Variants in RERE observed in about 807,000 individuals in gnomAD.
RERE encodes arginine-glutamic acid dipeptide repeats, also known as arginine-glutamic acid dipeptide repeats protein.
Under a neutral mutation model 146.1 loss-of-function variants are expected in RERE, and 40 were observed. The observed-to-expected ratio is 0.27, with a 90% CI of 0.21 to 0.36. RERE has a LOEUF of 0.36. RERE is among the 10% of genes least tolerant of loss of function. The probability of loss-of-function intolerance (pLI) is 1.00; values close to 1 mark genes in which losing one functional copy is unlikely to be tolerated. For synonymous variants in RERE, 1,003 were observed against 866.0 expected, an observed-to-expected ratio of 1.16 and a Z score of -2.78; for missense variants, 1,933 against 2,138.7, an observed-to-expected ratio of 0.90 and a Z score of 1.90.
rs562603155 is a variant in RERE, at chr1:8,778,429, T to A, written c.-145+38731A>T. Among the ~76,000 whole-genome samples the A allele has an allele frequency of 2.0e-5, 3 of 152,324 alleles. No homozygotes were observed. In the East Asian group the frequency reaches 5.8e-4, roughly 29 times the overall value. ...TTCCAGAGGTCTCTACTCAGTTTAA[T>A]TTGTGATAGCACTTGTATGTGAGAC... On this transcript the variant is annotated intron_variant, in intron 1 of 22. Coordinates refer to ENST00000400908, the MANE Select transcript of RERE (RefSeq NM_001042681.2).
At chr1:8,380,504 G>A (rs1189236666) in intron 12 of RERE, among the ~76,000 whole-genome samples, 4 of 151,978 alleles carry the variant, frequency 2.6e-5, no homozygotes, top group Non-Finnish European at 2.9e-5. Context: ...ACGTGCCACC[G>A]CACCTGGCTA....
chr1:8,466,695 C>G (rs1226863575), intron 10 of RERE, among the ~76,000 whole-genome samples: 3 of 152,136 alleles, frequency 2.0e-5, no homozygotes, highest in Non-Finnish European at 4.4e-5. Context: ...TAATAGTATG[C>G]TAGTTTTTCA....
intron 8 of RERE, among the ~76,000 whole-genome samples, chr1:8,503,520 T>C (rs538084025): frequency 6.7e-6 from 1 of 149,700 alleles, no homozygotes; most frequent in African/African-American, 2.4e-5. Flanking sequence ...GCTACATTCA[T>C]ACATGGAGTT....
At chr1:8,474,343 C>T (rs1644726657) in intron 10 of RERE, among the ~76,000 whole-genome samples, 1 of 152,158 alleles carries the variant, frequency 6.6e-6, no homozygotes, top group Non-Finnish European at 1.5e-5. Flanking sequence ...GTGAGAGAAT[C>T]CACCTTAACG....
intron 12 of RERE, among the ~76,000 whole-genome samples, chr1:8,404,282 T>C (rs1249175727): frequency 6.6e-6 from 1 of 152,034 alleles, no homozygotes; most frequent in Non-Finnish European, 1.5e-5. Context: ...CCAGGCGTGG[T>C]GGCGGGCGCC....
intron 10 of RERE, among the ~76,000 whole-genome samples, chr1:8,491,780 C>T (rs1205534792): frequency 6.6e-6 from 1 of 152,194 alleles, no homozygotes; most frequent in Non-Finnish European, 1.5e-5. Context: ...CATTTAAGTT[C>T]TATGTTGCCC....
intron 11 of RERE, among the ~76,000 whole-genome samples, chr1:8,438,701 G>A (rs375668959): frequency 6.6e-6 from 1 of 152,078 alleles, no homozygotes. Context: ...GGTTTTCGTG[G>A]AAAGACAGCA....
At chr1:8,611,927 C>T (rs1423368893) in intron 4 of RERE, among the ~76,000 whole-genome samples, 2 of 152,184 alleles carry the variant, frequency 1.3e-5, no homozygotes, top group Non-Finnish European at 2.9e-5. Context: ...ACTACTCCCT[C>T]CCCACCACTG....
rs1570515903 is a variant in RERE, at chr1:8,614,829, T to A, written c.397-143A>T. ...AACCTCAGATAATTTGTTCTACCAC[T>A]AAAGTTAACCTTTTTGCATTAATCA... On this transcript the variant is annotated intron_variant, in intron 3 of 22. Transcript: ENST00000400908. 5.4e-6 allele frequency: 5 copies of A among 921,408 alleles called. No homozygotes were observed. In the East Asian group the frequency reaches 1.1e-4, roughly 20 times the overall value. 57.1% of individuals were successfully genotyped at this position (921,408 alleles called of 1,614,324 possible).
intron 21 of RERE, among the ~76,000 whole-genome samples, 181 bp downstream of exon 21, chr1:8,355,919 A>G (rs1392831743): frequency 6.6e-6 from 1 of 151,512 alleles, no homozygotes; most frequent in Non-Finnish European, 1.5e-5. Context: ...TATGACCCCT[A>G]CCCCAGACAG....
intron 1 of RERE, among the ~76,000 whole-genome samples, chr1:8,663,173 T>A (rs1638494015): frequency 6.6e-6 from 1 of 151,842 alleles, no homozygotes. Flanking sequence ...AAGAAAAAAA[T>A]TAAAAATATT....
intron 2 of RERE, among the ~76,000 whole-genome samples, chr1:8,639,396 T>C (rs1647145954): frequency 6.6e-6 from 1 of 152,236 alleles, no homozygotes; most frequent in Non-Finnish European, 1.5e-5. Context: ...CGCTCCATGA[T>C]GCCAAATATC....
chr1:8,354,367 T>A lies in RERE; in HGVS notation c.*720A>T, dbSNP rs1641210450. On this transcript the variant is annotated 3_prime_UTR_variant, in exon 23 of 23. Transcript: ENST00000400908. ...GACCAGGCCTCGGTCCAAGCCTCTGTCCATGTGGAACGCCCCTTTGCTCCC... is the reference window on the plus strand; with the variant it reads ...GACCAGGCCTCGGTCCAAGCCTCTGACCATGTGGAACGCCCCTTTGCTCCC... 1 of 152,650 alleles carries A rather than the reference T, an allele frequency of 6.6e-6. No homozygotes were observed. Among genetic ancestry groups the A allele is most frequent in the African/African-American group, 2.4e-5 (1 of 41,470 alleles). 9.5% of individuals were successfully genotyped at this position (152,650 alleles called of 1,614,324 possible). A position where few individuals can be genotyped will look rare whatever the true frequency, so the allele number is the denominator to read the frequency against.
intron 4 of RERE, among the ~76,000 whole-genome samples, chr1:8,589,483 A>G (rs1646466793): frequency 6.6e-6 from 1 of 152,122 alleles, no homozygotes; most frequent in African/African-American, 2.4e-5. Context: ...ATAGATAAAA[A>G]CCAAATAATC....
intron 4 of RERE, among the ~76,000 whole-genome samples, chr1:8,570,369 T>C (rs1056763333): frequency 1.1e-4 from 16 of 152,202 alleles, no homozygotes; most frequent in African/African-American, 3.8e-4. Flanking sequence ...ATAAATTTTT[T>C]TGTAATTTAT....
chr1:8,554,279 C>T lies in RERE; in HGVS notation c.725+2196G>A, dbSNP rs1004839839. On this transcript the variant is annotated intron_variant, in intron 6 of 22. Coordinates refer to ENST00000400908, the MANE Select transcript of RERE (RefSeq NM_001042681.2). Reference sequence around the variant, plus strand: ...TGTCAAAACATGTTGAATACAGTTACATATCTCACATATTTGTTCAACTGA... The same window carrying T: ...TGTCAAAACATGTTGAATACAGTTATATATCTCACATATTTGTTCAACTGA... 3.3e-5 allele frequency among the ~76,000 whole-genome samples: 5 copies of T among 152,182 alleles called. No individual in the cohort carries two copies. The South Asian group carries it at 6.2e-4, about 19-fold the overall frequency.
At chr1:8,417,254 C>T (rs1168280209) in intron 12 of RERE, among the ~76,000 whole-genome samples, 1 of 152,128 alleles carries the variant, frequency 6.6e-6, no homozygotes, top group Non-Finnish European at 1.5e-5. Flanking sequence ...AGTCTTAAAG[C>T]CCTTTCTCAA....
chr1:8,674,471 C>G (rs1345498145), intron 1 of RERE, among the ~76,000 whole-genome samples: 1 of 152,156 alleles, frequency 6.6e-6, no homozygotes, highest in Non-Finnish European at 1.5e-5. Context: ...CCAAGCAGGA[C>G]TGAAGGAGGC....
chr1:8,672,951 A>C (rs1208881497), intron 1 of RERE, among the ~76,000 whole-genome samples: 1 of 152,248 alleles, frequency 6.6e-6, no homozygotes, highest in Non-Finnish European at 1.5e-5. Flanking sequence ...TTAAATATTT[A>C]ATCAGCAGTA....
Sources: gnomAD v4.1 joint callset for allele counts (sites outside exome capture counted in the v4.1 genomes callset) on GRCh38, gnomAD v4.1.1 for gene constraint, MANE v1.5 for transcripts, NCBI Gene and HGNC (gene_info 2026-07-23, HGNC 2026-07-21) for gene names.